PHF5A: variants seen among roughly 807,000 people sequenced by gnomAD.
PHF5A encodes PHD finger-like domain-containing protein 5A.
For synonymous variants in PHF5A, 52 were observed against 46.0 expected (o/e 1.13, Z -0.52); for missense variants, 24 against 140.6 (o/e 0.17, Z 4.19).
At chr22:41,467,664 T>C in intron 2 of PHF5A, 50 bp from the exon 3 acceptor site, 1 of 1,592,084 alleles carries the variant, frequency 6.3e-7, no homozygotes, top group Non-Finnish European at 8.6e-7. Context: ...AGTCCTCTGC[T>C]ATCTCCTGCC....
rs548572822 is a variant in PHF5A, at chr22:41,468,161, G to A, written c.53-14C>T. The A allele has an allele frequency of 1.1e-5, 18 of 1,613,840 alleles. 1 individual carries two copies. The Admixed American group carries it at 1.5e-4, about 13-fold the overall frequency. Reference sequence around the variant, plus strand: ...GTCTTCCGATGGCTGCAAGATGAAAGATGGTAAAAAGTACAATTAGAATAA... The same window carrying A: ...GTCTTCCGATGGCTGCAAGATGAAAAATGGTAAAAAGTACAATTAGAATAA... On this transcript the variant is annotated splice_polypyrimidine_tract_variant and intron_variant, in intron 1 of 3. Transcript: ENST00000216252.
intron 3 of PHF5A, among the ~76,000 whole-genome samples, chr22:41,466,225 C>T (rs1180712406): frequency 6.6e-6 from 1 of 152,120 alleles, no homozygotes; most frequent in Non-Finnish European, 1.5e-5. Context: ...CCACAAAGAA[C>T]CCTGCTGCCA....
At chr22:41,464,461 C>T (rs904033667) in intron 3 of PHF5A, among the ~76,000 whole-genome samples, 1 of 152,154 alleles carries the variant, frequency 6.6e-6, no homozygotes, top group African/African-American at 2.4e-5. Context: ...TCTTTGTGTT[C>T]CTTGGAAACT....
chr22:41,468,171 A>G lies in PHF5A; in HGVS notation c.53-24T>C, dbSNP rs762903146. On this transcript the variant is annotated intron_variant, in intron 1 of 3. Coordinates refer to ENST00000216252, the MANE Select transcript of PHF5A (RefSeq NM_032758.4). ...GGCTGCAAGATGAAAGATGGTAAAA[A>G]GTACAATTAGAATAAAGGTTTTGAG... The G allele has an allele frequency of 1.9e-6, 3 of 1,613,528 alleles. No homozygotes were observed. In the East Asian group the frequency reaches 6.7e-5, roughly 36 times the overall value.
Position 41,467,369 on chromosome 22 carries a change from G to C in PHF5A, c.243+79C>G, listed in dbSNP as rs546808255. 11 of 1,391,362 alleles carry C rather than the reference G, an allele frequency of 7.9e-6. No individual in the cohort carries two copies. In the East Asian group the frequency reaches 1.6e-4, roughly 21 times the overall value. 86.2% of individuals were successfully genotyped at this position (1,391,362 alleles called of 1,614,324 possible). ...CTAGATGAACACAGTAATCTCCATA[G>C]ACCATAGGAGATTGCAGTGGATGGC... is the stretch of plus-strand genomic sequence containing the variant. On this transcript the variant is annotated intron_variant, in intron 3 of 3. Transcript: ENST00000216252.
chr22:41,468,188 G>A (rs753089765), intron 1 of PHF5A, 41 bp from the exon 2 acceptor site: 3 of 1,610,050 alleles, frequency 1.9e-6, no homozygotes, highest in African/African-American at 2.7e-5. Context: ...TTAGAATAAA[G>A]GTTTTGAGAA....
chr22:41,461,585 T>C (rs1242462216), intron 3 of PHF5A, among the ~76,000 whole-genome samples: 1 of 152,054 alleles, frequency 6.6e-6, no homozygotes, highest in East Asian at 1.9e-4. Context: ...CTCAAACTCC[T>C]GAGCTCAGGC....
At position 41,467,595 on chromosome 22, in the gene PHF5A, A is replaced by C; in HGVS notation, c.96T>G (p.Ile32Met). The stretch of plus-strand genomic sequence containing the variant: ...TGCAGGGACGCACATAGGAGTCACA[A>C]ATCACACACTTGCCATCACCTGTAA... ...LCEKCDGKCV[I>M]CDSYVRPCTL... The change falls in exon 3 of 4, where the codon ATT becomes ATG. Residue 32 changes from isoleucine to methionine, a missense_variant. Ile to Met is a conservative substitution (Grantham distance 10, BLOSUM62 1). Coordinates refer to ENST00000216252, the MANE Select transcript of PHF5A (RefSeq NM_032758.4). 6.2e-7 allele frequency: 1 copy of C among 1,614,178 alleles called. No homozygotes were observed. The highest frequency in any genetic ancestry group is 8.5e-7 in the Non-Finnish European group (1 of 1,180,036).
intron 1 of PHF5A, 70 bp from the exon 2 acceptor site, chr22:41,468,217 C>T: frequency 4.7e-6 from 7 of 1,494,468 alleles, no homozygotes; most frequent in Non-Finnish European, 6.5e-6. Context: ...AGTACATCCT[C>T]GAGCTGGGGG....
At chr22:41,464,206 G>C (rs1193641383) in intron 3 of PHF5A, among the ~76,000 whole-genome samples, 1 of 152,150 alleles carries the variant, frequency 6.6e-6, no homozygotes, top group Non-Finnish European at 1.5e-5. Context: ...TCAGTCCTCT[G>C]GTAGCAATGT....
At chr22:41,468,202 G>C in intron 1 of PHF5A, 55 bp from the exon 2 acceptor site, 1 of 1,591,090 alleles carries the variant, frequency 6.3e-7, no homozygotes, top group Non-Finnish European at 8.6e-7. Context: ...TTGAGAAAGA[G>C]GAGAAGTACA....
chr22:41,463,476 C>T (rs1182162892), intron 3 of PHF5A, among the ~76,000 whole-genome samples: 1 of 151,704 alleles, frequency 6.6e-6, no homozygotes, highest in Non-Finnish European at 1.5e-5. Context: ...ACTGTAATCC[C>T]AGCAACTTTG....
chr22:41,462,541 A>AT (rs892315125), intron 3 of PHF5A, among the ~76,000 whole-genome samples: 1 of 152,200 alleles, frequency 6.6e-6, no homozygotes, highest in Non-Finnish European at 1.5e-5. Flanking sequence ...AACGTAATCT[A>AT]TATTTCATGT....
At chr22:41,460,511 G>C (rs559684743) in intron 3 of PHF5A, 24 bp from the exon 4 acceptor site, 1 of 1,571,352 alleles carries the variant, frequency 6.4e-7, no homozygotes, top group South Asian at 1.2e-5. Flanking sequence ...CAGAGAAGTT[G>C]TTAAGTCTTT....
intron 3 of PHF5A, among the ~76,000 whole-genome samples, chr22:41,462,276 T>A (rs1160471899): frequency 3.3e-5 from 5 of 152,216 alleles, no homozygotes; most frequent in African/African-American, 1.2e-4. Flanking sequence ...AACACCCATG[T>A]CAGAGTTTGA....
intron 1 of PHF5A, 199 bp from the exon 2 acceptor site, chr22:41,468,346 T>TG: frequency 1.5e-6 from 1 of 654,320 alleles, no homozygotes. Flanking sequence ...TCCAACGCCC[T>TG]GGGCAAGCTC....
chr22:41,460,387 C>T lies in PHF5A; in HGVS notation c.*11G>A, dbSNP rs757348271. 1.9e-6 allele frequency: 3 copies of T among 1,587,558 alleles called. No homozygotes were observed. Among genetic ancestry groups the T allele is most frequent in the East Asian group, 4.5e-5 (2 of 44,118 alleles). ...GACTGATGTTGGGGGGAGGAAGGGG[C>T]CACCCACCAATCACCTCTTCTTGAA... is the stretch of plus-strand genomic sequence containing the variant. On this transcript the variant is annotated 3_prime_UTR_variant, in exon 4 of 4. Transcript: ENST00000216252.
rs1299140916 is a variant in PHF5A, at chr22:41,459,748, T to C, written c.*650A>G. The C allele has an allele frequency of 1.3e-5, 2 of 151,994 alleles. No individual in the cohort carries two copies. The highest frequency in any genetic ancestry group is 2.4e-5 in the African/African-American group (1 of 41,378). The allele number at this position is 151,994 out of a possible 1,614,324, so 9.4% of individuals were successfully genotyped here. ...AAAATAAACACCAACTTTATTAATA[T>C]AATAGCAACAGAAAGAGTTTCCAAT... On this transcript the variant is annotated 3_prime_UTR_variant, in exon 4 of 4. Coordinates refer to ENST00000216252, the MANE Select transcript of PHF5A (RefSeq NM_032758.4).
chr22:41,464,429 G>GCCT (rs1370661134), intron 3 of PHF5A, among the ~76,000 whole-genome samples: 1 of 152,212 alleles, frequency 6.6e-6, no homozygotes, highest in Non-Finnish European at 1.5e-5. Context: ...AAGGCTGAGA[G>GCCT]CCTGGATCAT....
Sources: gnomAD v4.1 joint callset for allele counts (sites outside exome capture counted in the v4.1 genomes callset) on GRCh38, gnomAD v4.1.1 for gene constraint, MANE v1.5 for transcripts, NCBI Gene and HGNC (gene_info 2026-07-23, HGNC 2026-07-21) for gene names.